SNTG1: variants seen among roughly 807,000 people sequenced by gnomAD.
SNTG1 encodes the protein syntrophin gamma 1.
A neutral mutation model predicts 74.7 loss-of-function variants in SNTG1; 39 were observed. The observed-to-expected ratio is 0.52, with a 90% CI of 0.40 to 0.68. The LOEUF is 0.68. SNTG1 is among the 30% of genes least tolerant of loss of function. The pLI is 0.00. For missense variants in SNTG1, 685 were observed against 609.5 expected (o/e 1.12, Z -1.30); for synonymous variants, 254 against 217.1 (o/e 1.17, Z -1.49).
intron 8 of SNTG1, among the ~76,000 whole-genome samples, chr8:50,464,787 C>T (rs1422536769): frequency 2.0e-5 from 3 of 151,848 alleles, no homozygotes. Flanking sequence ...ACACTGATCA[C>T]AGGTCACCAT....
At chr8:50,105,464 G>A (rs758390467) in intron 1 of SNTG1, among the ~76,000 whole-genome samples, 2 of 151,886 alleles carry the variant, frequency 1.3e-5, no homozygotes, top group Non-Finnish European at 2.9e-5. Flanking sequence ...GTAACATGAT[G>A]TCTTCAGCTT....
intron 1 of SNTG1, among the ~76,000 whole-genome samples, chr8:50,045,707 T>C (rs1407885778): frequency 6.6e-6 from 1 of 152,238 alleles, no homozygotes; most frequent in East Asian, 1.9e-4. Flanking sequence ...TGATTACATA[T>C]AGTAAGACAA....
chr8:50,163,212 C>T (rs1056536863), intron 1 of SNTG1, among the ~76,000 whole-genome samples: 7 of 152,120 alleles, frequency 4.6e-5, no homozygotes, highest in Non-Finnish European at 8.8e-5. Context: ...TATTCCACCG[C>T]CCTTTAGTGA....
intron 1 of SNTG1, among the ~76,000 whole-genome samples, chr8:50,070,184 TG>T (rs1166831437): frequency 3.3e-5 from 5 of 152,212 alleles, no homozygotes; most frequent in Admixed American, 2.6e-4. Flanking sequence ...ACATGTTCAC[TG>T]GGGAATATTA....
At chr8:50,690,416 T>G (rs115307103) in intron 15 of SNTG1, among the ~76,000 whole-genome samples, 2,810 of 152,276 alleles carry the variant, frequency 0.018, 72 homozygotes, top group African/African-American at 0.06. Context: ...CACACTGGTT[T>G]GAATGTGTCC....
intron 2 of SNTG1, among the ~76,000 whole-genome samples, chr8:50,350,210 T>G (rs562473578): frequency 7.9e-5 from 12 of 152,120 alleles, no homozygotes; most frequent in South Asian, 2.1e-4. Flanking sequence ...CCCCACCCCG[T>G]GGGCTCCTGT....
At chr8:50,279,154 A>G (rs549373806) in intron 2 of SNTG1, among the ~76,000 whole-genome samples, 1 of 152,292 alleles carries the variant, frequency 6.6e-6, no homozygotes, top group East Asian at 1.9e-4. Context: ...CACCTAAATA[A>G]TTTACAATCT....
At chr8:49,994,490 C>G (rs1453679191) in intron 1 of SNTG1, among the ~76,000 whole-genome samples, 5 of 149,804 alleles carry the variant, frequency 3.3e-5, no homozygotes, top group Admixed American at 2.7e-4. Context: ...GTCTCAAACT[C>G]TTGACCTCAG....
chr8:50,694,833 A>T (rs1000048305), intron 15 of SNTG1, among the ~76,000 whole-genome samples: 1 of 151,936 alleles, frequency 6.6e-6, no homozygotes, highest in Non-Finnish European at 1.5e-5. Context: ...CAAATATCAT[A>T]TAATTATTTT....
chr8:50,771,688 AG>A (rs1485722515), intron 18 of SNTG1, among the ~76,000 whole-genome samples: 1 of 152,108 alleles, frequency 6.6e-6, no homozygotes, highest in Non-Finnish European at 1.5e-5. Flanking sequence ...AAATCCCTAA[AG>A]GCATTTCAAA....
chr8:50,255,583 G>T (rs2086843748), intron 2 of SNTG1, among the ~76,000 whole-genome samples: 3 of 152,114 alleles, frequency 2.0e-5, no homozygotes, highest in African/African-American at 4.8e-5. Flanking sequence ...AGCTTCCGGT[G>T]GTTTGCTGGC....
chr8:50,774,611 T>C (rs940196467), intron 18 of SNTG1, among the ~76,000 whole-genome samples: 1 of 151,776 alleles, frequency 6.6e-6, no homozygotes, highest in Admixed American at 6.6e-5. Flanking sequence ...AGATAATAAC[T>C]TGAATACACA....
intron 1 of SNTG1, among the ~76,000 whole-genome samples, chr8:49,964,627 TGTG>T (rs1563403825): frequency 6.6e-6 from 1 of 152,232 alleles, no homozygotes; most frequent in Non-Finnish European, 1.5e-5. Context: ...TTTCTTCCCA[TGTG>T]GGAAACCTCT....
intron 4 of SNTG1, among the ~76,000 whole-genome samples, chr8:50,410,338 T>C (rs780005142): frequency 2.6e-5 from 4 of 152,134 alleles, no homozygotes; most frequent in Non-Finnish European, 5.9e-5. Flanking sequence ...AACATGGAGA[T>C]TGGAGTCTGT....
intron 2 of SNTG1, among the ~76,000 whole-genome samples, chr8:50,194,960 A>G (rs149961888): frequency 5.1e-4 from 77 of 152,170 alleles, no homozygotes; most frequent in African/African-American, 1.4e-3. Context: ...CATCAGCTGT[A>G]GTAGTGTACA....
chr8:50,538,478 T>G (rs2094323276), intron 11 of SNTG1, among the ~76,000 whole-genome samples: 1 of 152,158 alleles, frequency 6.6e-6, no homozygotes, highest in African/African-American at 2.4e-5. Flanking sequence ...GGATACAGAC[T>G]TTGGAGTTGA....
chr8:50,103,095 A>G (rs977844723), intron 1 of SNTG1, among the ~76,000 whole-genome samples: 3 of 152,098 alleles, frequency 2.0e-5, no homozygotes, highest in African/African-American at 7.3e-5. Context: ...AATTCTGTGA[A>G]GAAAGTCATT....
At chr8:50,356,389 C>A (rs77893583) in intron 2 of SNTG1, among the ~76,000 whole-genome samples, 2,718 of 152,212 alleles carry the variant, frequency 0.018, 89 homozygotes, top group African/African-American at 0.061. Flanking sequence ...GGCCCAAAGG[C>A]AAGGTTCAAT....
intron 17 of SNTG1, among the ~76,000 whole-genome samples, chr8:50,743,991 A>T (rs568976798): frequency 3.1e-4 from 47 of 151,952 alleles, no homozygotes; most frequent in African/African-American, 1.1e-3. Context: ...GAGGTGACAC[A>T]CATTTTTCAG....
Sources: allele counts gnomAD v4.1 joint callset (sites outside exome capture counted in the v4.1 genomes callset), GRCh38; gene constraint gnomAD v4.1.1; transcripts MANE v1.5; gene names NCBI Gene and HGNC (gene_info 2026-07-23, HGNC 2026-07-21).